PRR33: variants seen among roughly 807,000 people sequenced by gnomAD.
The protein encoded by PRR33 is proline-rich protein 33.
In PRR33, 1 loss-of-function variant was observed where a neutral mutation model predicts 0.5. The ratio of observed to expected loss-of-function variants is 2.18; its 90% CI spans 0.77 to 10.34. The LOEUF (loss-of-function observed/expected upper bound fraction) is 10.34. Ranked by LOEUF, PRR33 falls within the 30% of genes most tolerant of loss-of-function variation. PRR33 has a pLI of 0.13. For synonymous variants in PRR33, 226 were observed against 110.0 expected (o/e 2.06, Z -6.60); for missense variants, 552 against 251.8 (o/e 2.19, Z -8.07).
At chr11:1,907,347 T>C in the PRR33 span, among the ~76,000 whole-genome samples, 1 of 152,236 alleles carries the variant, frequency 6.6e-6, no homozygotes, top group Non-Finnish European at 1.5e-5. Context: ...ATGTTTCCAC[T>C]GTTCTAAAGC....
chr11:1,889,901 G>T, exon 1 of PRR33: 1 of 627,690 alleles, frequency 1.6e-6, no homozygotes, highest in Non-Finnish European at 2.9e-6. Context: ...GCAGTGGGCG[G>T]ATGTGAGCCA....
the PRR33 span, among the ~76,000 whole-genome samples, chr11:1,907,251 T>G: frequency 2.0e-5 from 3 of 152,226 alleles, no homozygotes; most frequent in Non-Finnish European, 2.9e-5. Context: ...GAAATCTGCC[T>G]TTTAATTTTG....
At chr11:1,893,589 G>A (rs810021), upstream of PRR33, among the ~76,000 whole-genome samples, 64,604 of 144,878 alleles carry the variant, frequency 0.45, 15,384 homozygotes, top group East Asian at 0.81. Context: ...GGGGGATGGA[G>A]GGAGGGATGA....
the PRR33 span, among the ~76,000 whole-genome samples, chr11:1,908,702 G>T: frequency 6.6e-6 from 1 of 152,146 alleles, no homozygotes; most frequent in African/African-American, 2.4e-5. Context: ...CTCTTCCGCC[G>T]ACTCTCTGGG....
At chr11:1,890,659 C>T (rs998280352) in exon 1 of PRR33, 2 of 656,372 alleles carry the variant, frequency 3.0e-6, no homozygotes, top group Non-Finnish European at 5.6e-6. Flanking sequence ...CCTGTGTCTC[C>T]TGTGGTCCAA....
At chr11:1,904,699 G>T in the PRR33 span, among the ~76,000 whole-genome samples, 1 of 151,476 alleles carries the variant, frequency 6.6e-6, no homozygotes, top group Non-Finnish European at 1.5e-5. Context: ...GTACAGATGG[G>T]GGTCTCACTA....
chr11:1,895,127 GTTCT>G (rs371791332), upstream of PRR33, among the ~76,000 whole-genome samples: 234 of 151,918 alleles, frequency 1.5e-3, no homozygotes, highest in African/African-American at 5.0e-3. Context: ...GAGTTTGAGA[GTTCT>G]TTCTTTCTTT....
chr11:1,901,605 T>G, the PRR33 span, among the ~76,000 whole-genome samples: 13 of 152,100 alleles, frequency 8.5e-5, no homozygotes, highest in African/African-American at 2.9e-4. Context: ...CAATTTGCCT[T>G]CAAAAAAGAT....
chr11:1,894,148 T>G (rs113420057), upstream of PRR33, among the ~76,000 whole-genome samples: 3,312 of 94,344 alleles, frequency 0.035, 160 homozygotes, highest in African/African-American at 0.12. Flanking sequence ...GTGTGACAAG[T>G]TCTCTGTTTC....
the PRR33 span, among the ~76,000 whole-genome samples, chr11:1,901,741 A>C: frequency 3.3e-5 from 5 of 152,312 alleles, no homozygotes; most frequent in East Asian, 7.7e-4. Flanking sequence ...AGTGAAGACA[A>C]CATGGCCAGG....
the PRR33 span, among the ~76,000 whole-genome samples, chr11:1,915,519 C>A: frequency 1.0e-5 from 1 of 97,530 alleles, no homozygotes; most frequent in Non-Finnish European, 1.9e-5. Flanking sequence ...GGGTCACACA[C>A]CTGGGATGTT....
the PRR33 span, among the ~76,000 whole-genome samples, chr11:1,902,391 G>A: frequency 1.3e-5 from 2 of 152,106 alleles, no homozygotes; most frequent in Admixed American, 6.6e-5. Context: ...GCTCAGCGTG[G>A]GTGGATCTGA....
At chr11:1,904,650 C>T in the PRR33 span, among the ~76,000 whole-genome samples, 1 of 151,464 alleles carries the variant, frequency 6.6e-6, no homozygotes, top group African/African-American at 2.4e-5. Flanking sequence ...GAATTCGAGA[C>T]CAGCGTGCCA....
chr11:1,906,125 C>T, the PRR33 span, among the ~76,000 whole-genome samples: 2 of 151,996 alleles, frequency 1.3e-5, no homozygotes, highest in African/African-American at 4.8e-5. Context: ...CATGCATGGC[C>T]CCTCTGCTTC....
chr11:1,889,359 G>T, the PRR33 span: 1 of 712,640 alleles, frequency 1.4e-6, no homozygotes. Flanking sequence ...CTCCGCCACT[G>T]ACATGCGGTA....
chr11:1,896,124 A>G (rs2137322), upstream of PRR33, among the ~76,000 whole-genome samples: 84,805 of 152,088 alleles, frequency 0.56, 24,370 homozygotes, highest in South Asian at 0.68. Flanking sequence ...TCTTATATGA[A>G]TTCTTAGAAT....
the PRR33 span, among the ~76,000 whole-genome samples, chr11:1,905,850 T>A: frequency 6.6e-6 from 1 of 151,922 alleles, no homozygotes; most frequent in Non-Finnish European, 1.5e-5. Flanking sequence ...GGACAGGGTC[T>A]CACTGGCATC....
the PRR33 span, among the ~76,000 whole-genome samples, chr11:1,912,550 A>AT: frequency 3.3e-5 from 5 of 152,026 alleles, no homozygotes; most frequent in Admixed American, 6.5e-5. Context: ...CTTTCTACTA[A>AT]TTTTTTTGCC....
At chr11:1,889,405 CG>C in the PRR33 span, 10 of 685,024 alleles carry the variant, frequency 1.5e-5, no homozygotes, top group Non-Finnish European at 1.6e-5. Flanking sequence ...GTCCGGGAGG[CG>C]GGGGCCCGGG....
Sources: allele counts gnomAD v4.1 joint callset (sites outside exome capture counted in the v4.1 genomes callset), GRCh38; gene constraint gnomAD v4.1.1; transcripts MANE v1.5; gene names NCBI Gene and HGNC (gene_info 2026-07-23, HGNC 2026-07-21).